Variants in CEMIP2 observed in about 807,000 individuals in gnomAD.
CEMIP2 encodes the protein cell migration inducing hyaluronidase 2.
A neutral mutation model predicts 146.9 loss-of-function variants in CEMIP2; 79 were observed. The observed-to-expected ratio is 0.54, with a 90% CI of 0.45 to 0.65. The LOEUF is 0.65. Among genes scored for constraint, CEMIP2 ranks in the 30% least tolerant of loss-of-function variants. The pLI is 0.00. For synonymous variants in CEMIP2, 601 were observed against 606.3 expected (o/e 0.99, Z 0.13); for missense variants, 1,596 against 1,696.2 (o/e 0.94, Z 1.04).
At chr9:71,716,315 T>C (rs1453652407) in intron 14 of CEMIP2, among the ~76,000 whole-genome samples, 1 of 151,466 alleles carries the variant, frequency 6.6e-6, no homozygotes, top group Non-Finnish European at 1.5e-5. Flanking sequence ...TCCAGCTATA[T>C]TAACCTAGTA....
intron 23 of CEMIP2, 102 bp from the exon 24 acceptor site, chr9:71,685,495 G>T: frequency 1.5e-6 from 2 of 1,315,262 alleles, no homozygotes; most frequent in Non-Finnish European, 2.0e-6. Context: ...CAAAACAAAG[G>T]CAGCTATTAA....
At chr9:71,742,397 T>G (rs1226686595) in intron 4 of CEMIP2, among the ~76,000 whole-genome samples, 1 of 152,232 alleles carries the variant, frequency 6.6e-6, no homozygotes, top group Non-Finnish European at 1.5e-5. Context: ...ATGTTCTTTC[T>G]CTTCTATCGA....
chr9:71,695,964 A>C (rs1244080471), intron 20 of CEMIP2, among the ~76,000 whole-genome samples: 2 of 152,128 alleles, frequency 1.3e-5, no homozygotes, highest in African/African-American at 2.4e-5. Context: ...TTTAAGAAAA[A>C]AAAAATTACC....
Position 71,690,777 on chromosome 9 carries a change from T to A in CEMIP2, c.3697-531A>T, listed in dbSNP as rs932291120. ...CTCTGAGATCAAAATGACAAAGTGATAATTTTACCGGAATTTAAGCTACAA... is the reference window on the plus strand; with the variant it reads ...CTCTGAGATCAAAATGACAAAGTGAAAATTTTACCGGAATTTAAGCTACAA... On this transcript the variant is annotated intron_variant, in intron 21 of 23. Coordinates refer to ENST00000377044, the MANE Select transcript of CEMIP2 (RefSeq NM_013390.3). Among the ~76,000 whole-genome samples the A allele has an allele frequency of 2.6e-5, 4 of 152,334 alleles. No homozygotes were observed. In the East Asian group the frequency reaches 7.7e-4, roughly 29 times the overall value.
chr9:71,705,593 T>C (rs1191659637), intron 17 of CEMIP2, among the ~76,000 whole-genome samples: 2 of 152,060 alleles, frequency 1.3e-5, no homozygotes, highest in Non-Finnish European at 2.9e-5. Flanking sequence ...ACTCCTCAAT[T>C]TTATGTCCTT....
intron 6 of CEMIP2, among the ~76,000 whole-genome samples, chr9:71,732,939 T>C (rs34641884): frequency 6.6e-6 from 1 of 152,024 alleles, no homozygotes; most frequent in African/African-American, 2.4e-5. Context: ...AGAAAGCTTG[T>C]TCCTTCCTGA....
At chr9:71,728,211 C>CTCTCTCTCTCTCTCTCTA (rs1823449698) in intron 10 of CEMIP2, among the ~76,000 whole-genome samples, 3 of 37,992 alleles carry the variant, frequency 7.9e-5, no homozygotes, top group African/African-American at 2.4e-4. Flanking sequence ...CTCTCTCTCT[C>CTCTCTCTCTCTCTCTCTA]TCTCTCTCTC....
At chr9:71,739,238 CCT>C (rs1823845734) in intron 5 of CEMIP2, among the ~76,000 whole-genome samples, 5 of 151,236 alleles carry the variant, frequency 3.3e-5, no homozygotes, top group African/African-American at 1.2e-4. Flanking sequence ...GTAATTATCC[CCT>C]GTCTAGAATA....
chr9:71,719,789 T>C (rs1278910329), intron 12 of CEMIP2, among the ~76,000 whole-genome samples: 1 of 129,118 alleles, frequency 7.7e-6, no homozygotes, highest in Admixed American at 9.8e-5. Flanking sequence ...CATTACATAA[T>C]AGTAAGCAGA....
At position 71,709,292 on chromosome 9, in the gene CEMIP2, C is replaced by T. The variant is rs746060585; in HGVS notation, c.2952G>A (p.Trp984Ter). 8 of 1,614,180 alleles carry T rather than the reference C, an allele frequency of 5.0e-6. No homozygotes were observed. Among genetic ancestry groups the T allele is most frequent in the Non-Finnish European group, 5.9e-6 (7 of 1,180,014 alleles). ...RHPSCVNVSK[W>*]NAVICSGTYA... is the part of the protein sequence containing the mutation. The stretch of plus-strand genomic sequence containing the variant: ...AGGTCCCACTGCAGATCACTGCATT[C>T]CACTTAGACACATTTACACAGCTTG... The change falls in exon 17 of 24, where the codon TGG (tryptophan) becomes TGA (stop). Residue 984 changes from tryptophan to a stop codon, truncating the protein, a stop_gained. Transcript: ENST00000377044. LOFTEE classifies it high-confidence loss of function.
intron 1 of CEMIP2, among the ~76,000 whole-genome samples, chr9:71,755,961 CAAAAAAAA>C (rs55972127): frequency 3.8e-5 from 2 of 52,898 alleles, no homozygotes; most frequent in African/African-American, 9.1e-5. Flanking sequence ...CTCTGTCTCA[CAAAAAAAA>C]AAAAAAAAAA....
At chr9:71,757,279 GA>G (rs931058679) in intron 1 of CEMIP2, among the ~76,000 whole-genome samples, 1 of 152,176 alleles carries the variant, frequency 6.6e-6, no homozygotes. Context: ...GGCTTTTTAA[GA>G]AAACTAATTT....
chr9:71,752,474 A>G (rs1242664678), intron 1 of CEMIP2, among the ~76,000 whole-genome samples: 3 of 65,702 alleles, frequency 4.6e-5, no homozygotes, highest in Non-Finnish European at 6.2e-5. Flanking sequence ...GGAAGGAAGG[A>G]AGGAAGGGGG....
chr9:71,691,420 G>GA (rs148544899), intron 21 of CEMIP2, among the ~76,000 whole-genome samples: 53 of 127,024 alleles, frequency 4.2e-4, no homozygotes, highest in African/African-American at 1.0e-3. Flanking sequence ...TCTGTCTCAG[G>GA]AAAAAAAAAA....
At chr9:71,693,739 T>C (rs1208651748) in intron 21 of CEMIP2, among the ~76,000 whole-genome samples, 1 of 152,212 alleles carries the variant, frequency 6.6e-6, no homozygotes, top group African/African-American at 2.4e-5. Flanking sequence ...CCAGAAGTAA[T>C]TCATGTCACC....
At chr9:71,759,820 C>A (rs867581209) in intron 1 of CEMIP2, among the ~76,000 whole-genome samples, 1 of 4,196 alleles carries the variant, frequency 2.4e-4, no homozygotes, top group South Asian at 4.0e-3. Context: ...TTGGGGGGTA[C>A]GGGGAGGTGG....
chr9:71,695,646 C>T (rs1196317649), intron 20 of CEMIP2, among the ~76,000 whole-genome samples: 1 of 152,024 alleles, frequency 6.6e-6, no homozygotes, highest in Admixed American at 6.6e-5. Flanking sequence ...TGCTCTCTAG[C>T]CTGGGCGACA....
intron 15 of CEMIP2, 41 bp downstream of exon 15, chr9:71,714,893 A>C (rs1354495018): frequency 6.3e-7 from 1 of 1,589,654 alleles, no homozygotes; most frequent in South Asian, 1.1e-5. Context: ...GTTTTCCTTT[A>C]TTGCTTAAAT....
chr9:71,712,418 T>C (rs11142967), intron 15 of CEMIP2, 158 bp from the exon 16 acceptor site: 374,778 of 632,506 alleles, frequency 0.59, 116,999 homozygotes, highest in Non-Finnish European at 0.67. Flanking sequence ...GAATGAAACA[T>C]ATGCTGTAGT....
Sources: allele counts gnomAD v4.1 joint callset (sites outside exome capture counted in the v4.1 genomes callset), GRCh38; gene constraint gnomAD v4.1.1; transcripts MANE v1.5; gene names NCBI Gene and HGNC (gene_info 2026-07-23, HGNC 2026-07-21).